Variants in OGG1 observed in about 807,000 individuals in gnomAD.
OGG1 encodes the protein 8-oxoguanine DNA glycosylase.
In OGG1, 35 loss-of-function variants were observed where a neutral mutation model predicts 42.3. The ratio of observed to expected loss-of-function variants is 0.83; its 90% confidence interval spans 0.63 to 1.10. OGG1 has a LOEUF of 1.10. Ranked by LOEUF, OGG1 falls within the 50% of genes least tolerant of loss-of-function variation. OGG1 has a pLI of 0.00. For missense variants in OGG1, 484 were observed against 446.7 expected (o/e 1.08, Z -0.75); for synonymous variants, 189 against 179.0 (o/e 1.06, Z -0.44).
rs755328637 is a variant in OGG1, at chr3:9,750,986, C to T, written c.179C>T (p.Ala60Val). The part of the protein sequence containing the change: ...QSPAHWSGVL[A>V]DQVWTLTQTE... ...CCTGCACACTGGAGTGGTGTACTAG[C>T]GGATCAAGTATGGACACTGACTCAG... Residue 60 changes from alanine to valine, a missense_variant, in exon 2 of 7, where the codon GCG becomes GTG. Physicochemically the swap from Ala to Val is moderately conservative, Grantham distance 64 (BLOSUM62 0). Transcript: ENST00000344629. The T allele has an allele frequency of 8.1e-6, 13 of 1,613,884 alleles. No individual in the cohort carries two copies. Among genetic ancestry groups the T allele is most frequent in the Non-Finnish European group, 1.1e-5 (13 of 1,179,962 alleles).
At position 9,750,158 on chromosome 3, in the gene OGG1, G is replaced by T; in HGVS notation, c.-129G>T. On this transcript the variant is annotated 5_prime_UTR_variant, in exon 1 of 7. In the 5' UTR this introduces an upstream ATG that the reference lacks. Coordinates refer to ENST00000344629, the MANE Select transcript of OGG1 (RefSeq NM_002542.6). ...TGGAGGAATTAAGTGAAACAGGGAA[G>T]GTTGTTAAACAGCACCGTGTGGGCG... The T allele has an allele frequency of 8.3e-7, 1 of 1,201,596 alleles. No homozygotes were observed. The highest frequency in any genetic ancestry group is 1.2e-6 in the Non-Finnish European group (1 of 862,724). The allele number at this position is 1,201,596 out of a possible 1,614,324, so 74.4% of individuals were successfully genotyped here.
chr3:9,783,945 G>T, intron 3 of OGG1: 2 of 1,473,992 alleles, frequency 1.4e-6, no homozygotes, highest in Non-Finnish European at 1.8e-6. Context: ...TGGAAAGCCT[G>T]TTGTAAAACC....
At chr3:9,772,646 T>C (rs1462200490) in intron 2 of OGG1, among the ~76,000 whole-genome samples, 3 of 152,210 alleles carry the variant, frequency 2.0e-5, no homozygotes, top group Non-Finnish European at 4.4e-5. Flanking sequence ...AGGGAAGGAC[T>C]CTGGCTCTGC....
chr3:9,770,651 C>T (rs985177512), downstream of OGG1, among the ~76,000 whole-genome samples: 4 of 152,174 alleles, frequency 2.6e-5, no homozygotes, highest in African/African-American at 9.7e-5. Context: ...ACCGAGGTGT[C>T]ACGTGACTGG....
At position 9,751,916 on chromosome 3, in the gene OGG1, T is replaced by A; in HGVS notation, c.532T>A (p.Tyr178Asn). 6.2e-7 allele frequency: 1 copy of A among 1,614,208 alleles called. No individual in the cohort carries two copies. ...GCTCATCCAGCTTGATGATGTCACC[T>A]ACCATGGCTTCCCCAGCCTGCAGGC... ...PRLIQLDDVT[Y>N]HGFPSLQALA... is the part of the protein sequence containing the mutation. Residue 178 changes from tyrosine (Y) to asparagine (N), a missense_variant, in exon 3 of 7, where the codon TAC (tyrosine) becomes AAC (asparagine). Physicochemically the swap from Tyr to Asn is moderately radical, Grantham distance 143. Transcript: ENST00000344629.
At chr3:9,773,569 A>G (rs142382511) in intron 2 of OGG1, among the ~76,000 whole-genome samples, 1 of 151,988 alleles carries the variant, frequency 6.6e-6, no homozygotes, top group African/African-American at 2.4e-5. Context: ...ATAATAATTT[A>G]AAAAAAGGTG....
chr3:9,750,200 G>A lies in OGG1; in HGVS notation c.-87G>A. ...GTGTGGGCGAGGCCTTAAGGGTCGT[G>A]GTCCTTGTCTGGGCGGGGTCTTTGG... On this transcript the variant is annotated 5_prime_UTR_variant, in exon 1 of 7. Transcript: ENST00000344629. 2 of 1,520,126 alleles carry A rather than the reference G, an allele frequency of 1.3e-6. No individual in the cohort carries two copies. Among genetic ancestry groups the A allele is most frequent in the Non-Finnish European group, 1.8e-6 (2 of 1,129,620 alleles). 94.2% of individuals were successfully genotyped at this position (1,520,126 alleles called of 1,614,324 possible).
chr3:9,779,336 C>T (rs544481238), intron 2 of OGG1, among the ~76,000 whole-genome samples: 1 of 152,300 alleles, frequency 6.6e-6, no homozygotes, highest in Admixed American at 6.5e-5. Context: ...CTTCTTGCTT[C>T]TGTAGATGGG....
downstream of OGG1, among the ~76,000 whole-genome samples, chr3:9,790,982 C>G (rs1668395694): frequency 6.6e-6 from 1 of 152,218 alleles, no homozygotes; most frequent in South Asian, 2.1e-4. Flanking sequence ...CCATAACTGT[C>G]CTAATTACCT....
At chr3:9,759,816 A>T (rs773067396), downstream of OGG1, 5 of 1,613,250 alleles carry the variant, frequency 3.1e-6, no homozygotes, top group South Asian at 1.1e-5. Context: ...CCCCAAGAGC[A>T]TACCCACTCC....
chr3:9,754,847 C>T lies in OGG1; in HGVS notation c.709C>T (p.His237Tyr), dbSNP rs773994969. The T allele has an allele frequency of 4.4e-6, 7 of 1,608,144 alleles. No individual in the cohort carries two copies. Among genetic ancestry groups the T allele is most frequent in the Non-Finnish European group, 5.9e-6 (7 of 1,177,226 alleles). The change falls in exon 4 of 7, where the codon CAC becomes TAC. Residue 237 changes from histidine (H) to tyrosine (Y), a missense_variant. By Grantham distance (83) the His-to-Tyr change is moderately conservative. Transcript: ENST00000344629. ...QLRESSYEEA[H>Y]KALCILPGVG... The stretch of plus-strand genomic sequence containing the variant: ...ACGAGAGTCCTCATATGAGGAGGCC[C>T]ACAAGGCCCTCTGCATCCTGCCTGG...
At position 9,764,640 on chromosome 3, in the gene OGG1, T is replaced by G. The variant is rs1344432073; in HGVS notation, c.1049-1169T>G. The stretch of plus-strand genomic sequence containing the variant: ...TTGTTTTTTTTTTGTTTTTTTTTTT[T>G]TTTTTGAGATGGAGTTTTGCTCTTG... On this transcript the variant is annotated intron_variant, in intron 7 of 7. Transcript: ENST00000302008. Among the ~76,000 whole-genome samples, 15 of 148,864 alleles carry G rather than the reference T, an allele frequency of 1.0e-4. No homozygotes were observed. The East Asian group carries it at 1.8e-3, about 18-fold the overall frequency.
rs1447299152 is a variant in OGG1 at position 9,750,185 on chromosome 3, G to A, written c.-102G>A. The A allele has an allele frequency of 3.5e-6, 5 of 1,415,710 alleles. No individual in the cohort carries two copies. Among genetic ancestry groups the A allele is most frequent in the Middle Eastern group, 2.6e-4 (1 of 3,876 alleles). The allele number at this position is 1,415,710 out of a possible 1,614,324, so 87.7% of individuals were successfully genotyped here. A position where few individuals can be genotyped will look rare whatever the true frequency, so the allele number is the denominator to read the frequency against. On this transcript the variant is annotated 5_prime_UTR_variant, in exon 1 of 7. Coordinates refer to ENST00000344629, the MANE Select transcript of OGG1 (RefSeq NM_002542.6). The stretch of plus-strand genomic sequence containing the variant: ...TTGTTAAACAGCACCGTGTGGGCGA[G>A]GCCTTAAGGGTCGTGGTCCTTGTCT...
chr3:9,760,572 A>G, downstream of OGG1: 1 of 1,381,382 alleles, frequency 7.2e-7, no homozygotes, highest in Non-Finnish European at 1.0e-6. Context: ...CGACAGAAGG[A>G]AGGCAGGAGG....
chr3:9,788,607 T>G (rs2078671069), downstream of OGG1, among the ~76,000 whole-genome samples: 1 of 151,950 alleles, frequency 6.6e-6, no homozygotes, highest in Admixed American at 6.6e-5. Flanking sequence ...TGGCACGATC[T>G]TGGCTCATTG....
downstream of OGG1, chr3:9,760,857 G>A (rs552725966): frequency 1.2e-5 from 19 of 1,574,618 alleles, no homozygotes; most frequent in African/African-American, 1.6e-4. Context: ...GGGTCAGGCA[G>A]GAGCCATGGA....
downstream of OGG1, chr3:9,767,926 G>T: frequency 8.0e-7 from 1 of 1,257,222 alleles, no homozygotes; most frequent in South Asian, 1.7e-5. Flanking sequence ...ACATTCATTT[G>T]TTTATTCAAC....
At chr3:9,788,929 G>A (rs1276214727), downstream of OGG1, among the ~76,000 whole-genome samples, 9 of 149,568 alleles carry the variant, frequency 6.0e-5, no homozygotes, top group Non-Finnish European at 5.9e-5. Flanking sequence ...TCCACCTCCC[G>A]GGTCCAAGAG....
chr3:9,786,926 G>T, intron 3 of OGG1: 1 of 1,327,390 alleles, frequency 7.5e-7, no homozygotes, highest in Non-Finnish European at 1.1e-6. Context: ...ATAAATGTAT[G>T]ATAAATTCCG....
Sources: allele counts gnomAD v4.1 joint callset (sites outside exome capture counted in the v4.1 genomes callset), GRCh38; gene constraint gnomAD v4.1.1; transcripts MANE v1.5; gene names NCBI Gene and HGNC (gene_info 2026-07-23, HGNC 2026-07-21).